PTPRD: variants seen among roughly 807,000 people sequenced by gnomAD.
PTPRD encodes receptor-type tyrosine-protein phosphatase delta.
A neutral mutation model predicts 214.5 loss-of-function variants in PTPRD; 34 were observed. That is an observed-to-expected ratio of 0.16 (90% CI 0.12 to 0.21). The LOEUF is 0.21. PTPRD is among the 10% of genes least tolerant of loss of function. PTPRD has a pLI of 1.00. For synonymous variants in PTPRD, 1,128 were observed against 845.7 expected, an observed-to-expected ratio of 1.33 and a Z score of -5.79; for missense variants, 2,545 against 2,398.7, an observed-to-expected ratio of 1.06 and a Z score of -1.27.
chr9:10,566,648 C>A (rs1176931504), intron 2 of PTPRD, among the ~76,000 whole-genome samples: 1 of 151,930 alleles, frequency 6.6e-6, no homozygotes, highest in Non-Finnish European at 1.5e-5. Context: ...TCTTTTCACT[C>A]TCATTATGGT....
chr9:9,233,219 C>T (rs576609762), intron 9 of PTPRD, among the ~76,000 whole-genome samples: 4 of 152,266 alleles, frequency 2.6e-5, no homozygotes, highest in African/African-American at 9.6e-5. Context: ...GAAGGCACCT[C>T]TTCTGAGGGT....
chr9:9,938,246 T>A (rs2153958716), intron 5 of PTPRD, among the ~76,000 whole-genome samples: 1 of 152,306 alleles, frequency 6.6e-6, no homozygotes, highest in African/African-American at 2.4e-5. Context: ...GCTCAGATAT[T>A]TTGATCCTCA....
At chr9:8,785,022 G>A (rs2095880549) in intron 11 of PTPRD, among the ~76,000 whole-genome samples, 1 of 151,848 alleles carries the variant, frequency 6.6e-6, no homozygotes, top group Non-Finnish European at 1.5e-5. Context: ...GCTGCACCCT[G>A]CCAGTCCTGC....
At chr9:10,056,948 G>T (rs1459124704) in intron 3 of PTPRD, among the ~76,000 whole-genome samples, 3 of 152,006 alleles carry the variant, frequency 2.0e-5, no homozygotes, top group Non-Finnish European at 4.4e-5. Flanking sequence ...GTTATTTTTG[G>T]TTATAAAAAT....
At chr9:8,450,593 C>A (rs2095899246) in intron 33 of PTPRD, among the ~76,000 whole-genome samples, 3 of 152,158 alleles carry the variant, frequency 2.0e-5, no homozygotes, top group Admixed American at 2.0e-4. Flanking sequence ...TTGACAGTGC[C>A]TTGTTATAAA....
At chr9:8,431,404 T>C (rs931115878) in intron 35 of PTPRD, among the ~76,000 whole-genome samples, 2 of 152,116 alleles carry the variant, frequency 1.3e-5, no homozygotes, top group African/African-American at 4.8e-5. Flanking sequence ...CAGTTTTAGA[T>C]GATAGTTCTT....
At chr9:10,462,589 T>C (rs1024793008) in intron 2 of PTPRD, among the ~76,000 whole-genome samples, 2 of 152,146 alleles carry the variant, frequency 1.3e-5, no homozygotes, top group Non-Finnish European at 2.9e-5. Context: ...GGAAATGAGG[T>C]ATCAGAAACA....
intron 2 of PTPRD, among the ~76,000 whole-genome samples, chr9:10,582,803 A>C (rs2132475830): frequency 6.6e-6 from 1 of 152,354 alleles, no homozygotes; most frequent in African/African-American, 2.4e-5. Flanking sequence ...GTGCAGAAGT[A>C]ATTCAGGGTA....
intron 3 of PTPRD, among the ~76,000 whole-genome samples, chr9:10,263,098 G>A (rs1595651462): frequency 6.6e-6 from 1 of 152,134 alleles, no homozygotes; most frequent in Non-Finnish European, 1.5e-5. Context: ...CAGCCATGTG[G>A]AACTGTGAGT....
In PTPRD at chr9:8,486,363, G is replaced by A. The variant is rs1342662333; in HGVS notation, c.2468-14C>T. 3 of 1,609,576 alleles carry A rather than the reference G, an allele frequency of 1.9e-6. No individual in the cohort carries two copies. In the Admixed American group the frequency reaches 5.0e-5, roughly 27 times the overall value. ...GTTTCCCTGGAACTGGAGCACATGGGATGGAGTGGTAAGACCAACCAATCT... is the reference window on the plus strand; with the variant it reads ...GTTTCCCTGGAACTGGAGCACATGGAATGGAGTGGTAAGACCAACCAATCT... On this transcript the variant is annotated splice_polypyrimidine_tract_variant and intron_variant, in intron 27 of 45. Coordinates refer to ENST00000381196, the MANE Select transcript of PTPRD (RefSeq NM_002839.4).
rs869120926 is a variant in PTPRD, at chr9:9,779,078, C to CAAAAAAAAAAAAAAAAAAAAAAAA, written c.-367-12251_-367-12228dup. ...GCCATGTGATCTTTCATAAGACTGA[C>CAAAAAAAAAAAAAAAAAAAAAAAA]AAAAAAAAAAAAAAAAAAAAAAAAA... On this transcript the variant is annotated intron_variant, in intron 5 of 45. Coordinates refer to ENST00000381196, the MANE Select transcript of PTPRD (RefSeq NM_002839.4). Among the ~76,000 whole-genome samples the CAAAAAAAAAAAAAAAAAAAAAAAA allele has an allele frequency of 1.6e-3, 74 of 45,482 alleles. 11 individuals carry two copies. The highest frequency in any genetic ancestry group is 2.5e-3 in the Non-Finnish European group (61 of 24,724). 29.8% of individuals were successfully genotyped at this position (45,482 alleles called of 152,430 possible). A position where few individuals can be genotyped will look rare whatever the true frequency, so the allele number is the denominator to read the frequency against.
intron 11 of PTPRD, among the ~76,000 whole-genome samples, chr9:8,914,412 C>T (rs938679558): frequency 2.0e-5 from 3 of 152,058 alleles, no homozygotes; most frequent in Non-Finnish European, 2.9e-5. Context: ...TCCAGGTGGT[C>T]ATAAAGGATT....
intron 12 of PTPRD, among the ~76,000 whole-genome samples, chr9:8,703,787 G>T (rs549983703): frequency 6.6e-6 from 1 of 152,226 alleles, no homozygotes; most frequent in East Asian, 1.9e-4. Flanking sequence ...AGTTTTCTGA[G>T]TTCTGGATTC....
In PTPRD at chr9:9,322,940, A is replaced by T. The variant is rs79999427; in HGVS notation, c.-203+74509T>A. 5.0e-3 allele frequency among the ~76,000 whole-genome samples: 754 copies of T among 152,294 alleles called. 9 individuals carry two copies. The highest frequency in any genetic ancestry group is 0.017 in the African/African-American group (707 of 41,572). On this transcript the variant is annotated intron_variant, in intron 9 of 45. Transcript: ENST00000381196. Reference sequence around the variant, plus strand: ...CATTTACTTGAGTTAAATGATTTTTAAAAATGTCTATTCTGTTAGGTTTTT... The same window carrying T: ...CATTTACTTGAGTTAAATGATTTTTTAAAATGTCTATTCTGTTAGGTTTTT...
chr9:10,208,741 G>A (rs907273405), intron 3 of PTPRD, among the ~76,000 whole-genome samples: 2 of 152,124 alleles, frequency 1.3e-5, no homozygotes, highest in African/African-American at 4.8e-5. Flanking sequence ...TCCATTTATT[G>A]CTAGAAATAA....
chr9:9,302,200 A>T (rs1231144925), intron 9 of PTPRD, among the ~76,000 whole-genome samples: 1 of 151,900 alleles, frequency 6.6e-6, no homozygotes, highest in Non-Finnish European at 1.5e-5. Context: ...TTCTTTTTTT[A>T]AATTGCTTTT....
At chr9:9,488,051 A>G (rs1265637889) in intron 8 of PTPRD, among the ~76,000 whole-genome samples, 2 of 152,168 alleles carry the variant, frequency 1.3e-5, no homozygotes, top group African/African-American at 4.8e-5. Flanking sequence ...CTGGATTGTT[A>G]TATATGTTGA....
At chr9:9,631,551 G>C (rs2095596064) in intron 7 of PTPRD, among the ~76,000 whole-genome samples, 1 of 152,194 alleles carries the variant, frequency 6.6e-6, no homozygotes, top group East Asian at 1.9e-4. Flanking sequence ...TAGTCTGTAA[G>C]ATTCAGCAGG....
intron 11 of PTPRD, among the ~76,000 whole-genome samples, chr9:8,765,944 T>C (rs1461269822): frequency 3.9e-5 from 6 of 152,076 alleles, no homozygotes; most frequent in Non-Finnish European, 8.8e-5. Context: ...AAGACTCCTC[T>C]GGTCAACAAA....
Sources: gnomAD v4.1 joint callset for allele counts (sites outside exome capture counted in the v4.1 genomes callset) on GRCh38, gnomAD v4.1.1 for gene constraint, MANE v1.5 for transcripts, NCBI Gene and HGNC (gene_info 2026-07-23, HGNC 2026-07-21) for gene names.